Variants in NPAS3 observed in about 807,000 individuals in gnomAD.
The protein encoded by NPAS3 is neuronal PAS domain protein 3.
A neutral mutation model predicts 73.1 loss-of-function variants in NPAS3; 14 were observed. The observed-to-expected ratio is 0.19, with a 90% confidence interval of 0.13 to 0.30. The LOEUF (loss-of-function observed/expected upper bound fraction) is 0.30. Among genes scored for constraint, NPAS3 ranks in the 10% least tolerant of loss-of-function variants. The pLI is 1.00. For missense variants in NPAS3, 1,096 were observed against 1,250.0 expected, an observed-to-expected ratio of 0.88 and a Z score of 1.86; for synonymous variants, 620 against 541.5, an observed-to-expected ratio of 1.14 and a Z score of -2.01.
intron 4 of NPAS3, among the ~76,000 whole-genome samples, chr14:33,419,921 T>C (rs1438525627): frequency 6.6e-6 from 1 of 151,972 alleles, no homozygotes; most frequent in Non-Finnish European, 1.5e-5. Context: ...TACTAAGTGC[T>C]TGAAAGTGTT....
At chr14:33,542,524 A>G (rs10134172) in intron 4 of NPAS3, among the ~76,000 whole-genome samples, 53,463 of 151,840 alleles carry the variant, frequency 0.35, 11,112 homozygotes, top group African/African-American at 0.58. Context: ...TTGTTTTTCA[A>G]TCATCTCATC....
upstream of NPAS3, chr14:32,935,020 G>A (rs1293924886): frequency 8.5e-6 from 11 of 1,293,956 alleles, no homozygotes; most frequent in Admixed American, 3.3e-5. Flanking sequence ...AGTCCCGCCT[G>A]GGCTGGGATA....
chr14:33,088,650 C>A (rs1010901993), intron 2 of NPAS3, among the ~76,000 whole-genome samples: 1 of 152,184 alleles, frequency 6.6e-6, no homozygotes, highest in African/African-American at 2.4e-5. Context: ...ACTTAAATGT[C>A]CCTGTGTGAC....
At chr14:33,597,185 G>A (rs1243586098) in intron 5 of NPAS3, among the ~76,000 whole-genome samples, 1 of 152,080 alleles carries the variant, frequency 6.6e-6, no homozygotes. Context: ...TAGTTCCTAG[G>A]AGTAGCATGT....
intron 7 of NPAS3, among the ~76,000 whole-genome samples, chr14:33,769,756 CT>C (rs916953785): frequency 0.05 from 4,071 of 81,886 alleles, 229 homozygotes; most frequent in African/African-American, 0.17. Flanking sequence ...TTTTTTTTTT[CT>C]TTTTTTTTTT....
At chr14:33,535,382 A>T (rs961995867) in intron 4 of NPAS3, among the ~76,000 whole-genome samples, 30 of 152,222 alleles carry the variant, frequency 2.0e-4, no homozygotes, top group Non-Finnish European at 5.9e-5. Flanking sequence ...TGCTGTTAGA[A>T]GAGGCCCAGA....
intron 4 of NPAS3, among the ~76,000 whole-genome samples, chr14:33,372,517 G>T (rs2046135869): frequency 6.6e-6 from 1 of 152,092 alleles, no homozygotes; most frequent in African/African-American, 2.4e-5. Context: ...TTGTAGGCAG[G>T]GCCAAGGCCC....
chr14:33,365,485 ATC>A (rs2045801195), intron 3 of NPAS3, among the ~76,000 whole-genome samples: 1 of 152,200 alleles, frequency 6.6e-6, no homozygotes, highest in Admixed American at 6.5e-5. Context: ...ATAAAGATTA[ATC>A]TCAGCATAGT....
chr14:33,310,404 G>A (rs896432312), intron 3 of NPAS3, among the ~76,000 whole-genome samples: 10 of 152,176 alleles, frequency 6.6e-5, no homozygotes, highest in African/African-American at 2.4e-4. Context: ...TTTCCTGTGA[G>A]GAAAGAGGGG....
chr14:33,502,985 ATACTC>A, intron 4 of NPAS3, among the ~76,000 whole-genome samples: 1 of 148,736 alleles, frequency 6.7e-6, no homozygotes, highest in East Asian at 2.1e-4. Context: ...TATACCATCT[ATACTC>A]TACTCTCCTT....
chr14:33,385,244 G>C (rs1044666548), intron 4 of NPAS3, among the ~76,000 whole-genome samples: 3 of 151,582 alleles, frequency 2.0e-5, no homozygotes, highest in South Asian at 2.1e-4. Flanking sequence ...TTGCCTTTTT[G>C]GGGGGTAGGT....
At chr14:33,012,610 G>T (rs1011884231) in intron 1 of NPAS3, among the ~76,000 whole-genome samples, 1 of 151,054 alleles carries the variant, frequency 6.6e-6, no homozygotes. Flanking sequence ...GTACAGTGGC[G>T]CGATCTCGGC....
At chr14:33,797,410 A>AT in intron 10 of NPAS3, 47 bp from the exon 11 acceptor site, 1 of 1,600,968 alleles carries the variant, frequency 6.2e-7, no homozygotes, top group African/African-American at 1.3e-5. Context: ...CAAACAAACC[A>AT]TGCAGAATGG....
At chr14:32,959,976 A>ATTT (rs61262665) in intron 1 of NPAS3, among the ~76,000 whole-genome samples, 1 of 131,338 alleles carries the variant, frequency 7.6e-6, no homozygotes, top group Non-Finnish European at 1.6e-5. Flanking sequence ...GTGAGTTTCA[A>ATTT]TTTTTTTTTT....
chr14:33,602,963 C>T (rs541399087), intron 5 of NPAS3, among the ~76,000 whole-genome samples: 7 of 152,198 alleles, frequency 4.6e-5, no homozygotes, highest in African/African-American at 1.4e-4. Context: ...CATGATCCAA[C>T]AATGTAAAAT....
intron 4 of NPAS3, among the ~76,000 whole-genome samples, chr14:33,436,122 A>C (rs1437944309): frequency 6.6e-6 from 1 of 152,310 alleles, no homozygotes. Context: ...AAGTTGAGTC[A>C]TCTTAGTCAT....
chr14:33,256,253 A>T (rs1386811349), intron 3 of NPAS3, among the ~76,000 whole-genome samples: 2 of 152,234 alleles, frequency 1.3e-5, no homozygotes, highest in African/African-American at 2.4e-5. Flanking sequence ...CAACAAAAAC[A>T]ATAAAACCTT....
intron 3 of NPAS3, among the ~76,000 whole-genome samples, chr14:33,298,745 G>T (rs901724275): frequency 6.6e-6 from 1 of 152,096 alleles, no homozygotes; most frequent in Admixed American, 6.6e-5. Context: ...ATAAAAAAGT[G>T]ATATTTGACA....
chr14:32,937,197 C>CACAA (rs969262653), upstream of NPAS3, among the ~76,000 whole-genome samples: 20 of 152,230 alleles, frequency 1.3e-4, no homozygotes, highest in African/African-American at 4.6e-4. Context: ...TGTCCTCTGG[C>CACAA]ACCTCAACAG....
Sources: allele counts gnomAD v4.1 joint callset (sites outside exome capture counted in the v4.1 genomes callset), GRCh38; gene constraint gnomAD v4.1.1; transcripts MANE v1.5; gene names NCBI Gene and HGNC (gene_info 2026-07-23, HGNC 2026-07-21).